The following EPB41L4A variants were observed in gnomAD, a reference collection of about 807,000 sequenced individuals.
EPB41L4A encodes erythrocyte membrane protein band 4.1 like 4A, also known as band 4.1-like protein 4A.
Under a neutral mutation model 108.6 loss-of-function variants are expected in EPB41L4A, and 100 were observed. The observed-to-expected ratio is 0.92, with a 90% CI of 0.78 to 1.09. The LOEUF (loss-of-function observed/expected upper bound fraction) is 1.09, where lower values mean the gene tolerates loss of function less well. Ranked by LOEUF, EPB41L4A falls within the 50% of genes least tolerant of loss-of-function variation. The probability of loss-of-function intolerance (pLI) is 0.00; values close to 1 mark genes in which losing one functional copy is unlikely to be tolerated. For synonymous variants in EPB41L4A, 319 were observed against 289.0 expected, an observed-to-expected ratio of 1.10 and a Z score of -1.05; for missense variants, 1,030 against 842.7, an observed-to-expected ratio of 1.22 and a Z score of -2.75.
intron 18 of EPB41L4A, among the ~76,000 whole-genome samples, chr5:112,175,741 T>G (rs1206854313): frequency 6.6e-6 from 1 of 152,032 alleles, no homozygotes; most frequent in Non-Finnish European, 1.5e-5. Context: ...TGTGTGTATA[T>G]GTATATATAT....
chr5:112,402,903 T>C (rs914487280), intron 1 of EPB41L4A, among the ~76,000 whole-genome samples: 2 of 152,142 alleles, frequency 1.3e-5, no homozygotes, highest in African/African-American at 4.8e-5. Context: ...AGATTAAGCC[T>C]TCCTAGAAAG....
chr5:112,394,064 A>G (rs537145475), intron 1 of EPB41L4A, among the ~76,000 whole-genome samples: 1 of 152,340 alleles, frequency 6.6e-6, no homozygotes, highest in African/African-American at 2.4e-5. Flanking sequence ...AACTCTCAAT[A>G]AACTAGGTAT....
At chr5:112,297,002 C>T (rs993166975) in intron 2 of EPB41L4A, among the ~76,000 whole-genome samples, 5 of 152,004 alleles carry the variant, frequency 3.3e-5, no homozygotes, top group Admixed American at 6.6e-5. Context: ...CACACACACA[C>T]ACACACACAC....
At chr5:112,275,162 C>A in intron 4 of EPB41L4A, 164 bp downstream of exon 4, 1 of 819,242 alleles carries the variant, frequency 1.2e-6, no homozygotes, top group Non-Finnish European at 1.8e-6. Flanking sequence ...AGACACTGAT[C>A]AACTTCATGC....
chr5:112,195,530 A>C, intron 16 of EPB41L4A, 131 bp downstream of exon 16: 1 of 732,044 alleles, frequency 1.4e-6, no homozygotes, highest in Non-Finnish European at 2.3e-6. Context: ...GAATCAGCTG[A>C]AGACAAACTG....
intron 12 of EPB41L4A, among the ~76,000 whole-genome samples, chr5:112,233,569 C>T (rs946311156): frequency 6.6e-6 from 1 of 152,006 alleles, no homozygotes; most frequent in African/African-American, 2.4e-5. Context: ...CTCAATAGTG[C>T]TCCTTTTTTT....
At chr5:112,362,281 T>TA (rs1758817827) in intron 1 of EPB41L4A, among the ~76,000 whole-genome samples, 1 of 63,700 alleles carries the variant, frequency 1.6e-5, no homozygotes, top group African/African-American at 5.0e-5. Flanking sequence ...AGAGCATTAA[T>TA]GTTTTTTTTT....
intron 1 of EPB41L4A, 138 bp from the exon 2 acceptor site, chr5:112,307,628 G>A (rs1274687617): frequency 1.7e-5 from 8 of 481,714 alleles, no homozygotes; most frequent in Non-Finnish European, 1.8e-5. Context: ...TCTGTAAGTT[G>A]TGCCTCAATT....
intron 12 of EPB41L4A, among the ~76,000 whole-genome samples, chr5:112,210,490 TA>T (rs1003199918): frequency 1.1e-4 from 16 of 152,036 alleles, no homozygotes; most frequent in African/African-American, 3.6e-4. Flanking sequence ...CACTCACATA[TA>T]AAAAAAAGAC....
At chr5:112,291,472 C>G (rs1367737966) in intron 2 of EPB41L4A, among the ~76,000 whole-genome samples, 1 of 152,154 alleles carries the variant, frequency 6.6e-6, no homozygotes, top group Non-Finnish European at 1.5e-5. Flanking sequence ...CTCCCATAGC[C>G]CTTGTTAGTC....
chr5:112,291,811 G>A (rs979266168), intron 2 of EPB41L4A, among the ~76,000 whole-genome samples: 4 of 152,174 alleles, frequency 2.6e-5, no homozygotes, highest in Non-Finnish European at 5.9e-5. Context: ...TCCATGCCCC[G>A]TTCCCCCATA....
At chr5:112,234,436 G>A (rs1465797098) in intron 12 of EPB41L4A, among the ~76,000 whole-genome samples, 198 bp downstream of exon 12, 2 of 151,792 alleles carry the variant, frequency 1.3e-5, no homozygotes, top group Non-Finnish European at 2.9e-5. Flanking sequence ...GATTCAAGAT[G>A]ACTATATGTC....
intron 18 of EPB41L4A, among the ~76,000 whole-genome samples, chr5:112,182,245 G>A (rs74550017): frequency 0.048 from 7,295 of 152,100 alleles, 442 homozygotes; most frequent in African/African-American, 0.14. Flanking sequence ...GGATCTGGCT[G>A]TATGTAAATT....
At position 112,347,797 on chromosome 5, in the gene EPB41L4A, C is replaced by A. The variant is rs115665330; in HGVS notation, c.100-40307G>T. Among the ~76,000 whole-genome samples, 1,410 of 152,270 alleles carry A rather than the reference C, an allele frequency of 9.3e-3. 25 individuals carry two copies. Among genetic ancestry groups the A allele is most frequent in the African/African-American group, 0.032 (1,347 of 41,536 alleles). On this transcript the variant is annotated intron_variant, in intron 1 of 22. Coordinates refer to ENST00000261486, the MANE Select transcript of EPB41L4A (RefSeq NM_022140.5). ...AGTAAAGGGGCATCCCCTGTGTCTTCCAGCACTCTAAAGACAAAGCTTCAG... is the reference window on the plus strand; with the variant it reads ...AGTAAAGGGGCATCCCCTGTGTCTTACAGCACTCTAAAGACAAAGCTTCAG...
At chr5:112,282,327 C>T (rs550954998) in intron 2 of EPB41L4A, among the ~76,000 whole-genome samples, 1 of 152,178 alleles carries the variant, frequency 6.6e-6, no homozygotes, top group Non-Finnish European at 1.5e-5. Flanking sequence ...CTGTTTCTTG[C>T]CATTCATGTT....
chr5:112,351,712 T>C (rs1005436205), intron 1 of EPB41L4A, among the ~76,000 whole-genome samples: 2 of 152,038 alleles, frequency 1.3e-5, no homozygotes, highest in African/African-American at 4.8e-5. Flanking sequence ...TGTAGGCCTA[T>C]ATCCCTGATG....
In EPB41L4A at chr5:112,259,268, G is replaced by T. The variant is rs752989237; in HGVS notation, c.756C>A (p.Phe252Leu). The change falls in exon 9 of 23, where the codon TTC becomes TTA. Residue 252 changes from phenylalanine to leucine, a missense_variant. By Grantham distance (22) the Phe-to-Leu change is conservative. Transcript: ENST00000261486. ...CTCTGAGTTCAAATTGAGTCTCCTT[G>T]AAGTGAACCTTTGTAATCCGAGGCC... ...YFWPRITKVH[F>L]KETQFELRVL... 5 of 1,613,826 alleles carry T rather than the reference G, an allele frequency of 3.1e-6. No individual in the cohort carries two copies. In the African/African-American group the frequency reaches 6.7e-5, roughly 22 times the overall value.
At chr5:112,226,190 A>G (rs976401802) in intron 12 of EPB41L4A, among the ~76,000 whole-genome samples, 2 of 152,222 alleles carry the variant, frequency 1.3e-5, no homozygotes, top group Admixed American at 1.3e-4. Flanking sequence ...TTATTAGGCC[A>G]GTTTCTTTCT....
intron 1 of EPB41L4A, among the ~76,000 whole-genome samples, chr5:112,418,013 C>T (rs918245073): frequency 3.9e-5 from 6 of 152,106 alleles, no homozygotes; most frequent in African/African-American, 1.5e-4. Context: ...AGCCTGAACT[C>T]GATTTCTCAG....
Sources: gnomAD v4.1 joint callset for allele counts (sites outside exome capture counted in the v4.1 genomes callset) on GRCh38, gnomAD v4.1.1 for gene constraint, MANE v1.5 for transcripts, NCBI Gene and HGNC (gene_info 2026-07-23, HGNC 2026-07-21) for gene names.